Variants in NCKAP5 observed in about 807,000 individuals in gnomAD.
The protein encoded by NCKAP5 is nck-associated protein 5.
In NCKAP5, 92 loss-of-function variants were observed where a neutral mutation model predicts 167.0. The ratio of observed to expected loss-of-function variants is 0.55; its 90% CI spans 0.47 to 0.66. The LOEUF (loss-of-function observed/expected upper bound fraction) is 0.66, where lower values mean the gene tolerates loss of function less well. Among genes scored for constraint, NCKAP5 ranks in the 30% least tolerant of loss-of-function variants. The pLI, the probability that NCKAP5 is intolerant of heterozygous loss-of-function variation, is 0.00. For synonymous variants in NCKAP5, 891 were observed against 877.4 expected, an observed-to-expected ratio of 1.02 and a Z score of -0.27; for missense variants, 2,378 against 2,315.0, an observed-to-expected ratio of 1.03 and a Z score of -0.56.
chr2:132,884,267 G>A (rs1439645640), intron 8 of NCKAP5, among the ~76,000 whole-genome samples: 1 of 152,154 alleles, frequency 6.6e-6, no homozygotes, highest in East Asian at 1.9e-4. Context: ...CCCTTTTTAA[G>A]CACAGTTATT....
chr2:132,931,663 T>A (rs1369175168), intron 8 of NCKAP5, among the ~76,000 whole-genome samples: 1 of 152,230 alleles, frequency 6.6e-6, no homozygotes, highest in African/African-American at 2.4e-5. Flanking sequence ...AGCTGCTCTG[T>A]ACAATAAAAT....
intron 6 of NCKAP5, among the ~76,000 whole-genome samples, chr2:133,105,975 G>A (rs541384955): frequency 2.6e-5 from 4 of 151,938 alleles, no homozygotes; most frequent in Middle Eastern, 3.4e-3. Context: ...TCTTCTCACC[G>A]ACCCATCCTC....
chr2:133,267,054 A>G (rs1051122169), intron 4 of NCKAP5, among the ~76,000 whole-genome samples: 1 of 151,904 alleles, frequency 6.6e-6, no homozygotes, highest in African/African-American at 2.4e-5. Flanking sequence ...AACGGTTCTG[A>G]CAAATCTCCG....
intron 3 of NCKAP5, among the ~76,000 whole-genome samples, chr2:133,308,687 T>C (rs1559371096): frequency 7.3e-6 from 1 of 136,206 alleles, no homozygotes; most frequent in African/African-American, 2.8e-5. Flanking sequence ...AGAAATACAA[T>C]TCTTTTTTTT....
At chr2:133,591,983 T>A in the NCKAP5 span, among the ~76,000 whole-genome samples, 2 of 152,200 alleles carry the variant, frequency 1.3e-5, no homozygotes, top group East Asian at 3.9e-4. Flanking sequence ...ACCTCTTGTA[T>A]GTCCTTCCAG....
intron 3 of NCKAP5, among the ~76,000 whole-genome samples, chr2:133,496,781 C>T (rs770738315): frequency 6.6e-6 from 1 of 152,164 alleles, no homozygotes; most frequent in Non-Finnish European, 1.5e-5. Flanking sequence ...GGCATCTATT[C>T]GGAAAAACTT....
At chr2:133,548,434 A>G (rs911415266) in intron 2 of NCKAP5, among the ~76,000 whole-genome samples, 6 of 151,236 alleles carry the variant, frequency 4.0e-5, no homozygotes, top group Middle Eastern at 3.4e-3. Flanking sequence ...TGTCAGATTC[A>G]CCAAAGTTGA....
intron 3 of NCKAP5, among the ~76,000 whole-genome samples, chr2:133,335,281 A>G (rs2150742123): frequency 6.6e-6 from 1 of 152,326 alleles, no homozygotes; most frequent in African/African-American, 2.4e-5. Flanking sequence ...AAAGCAAAAA[A>G]ATTGGCTTCA....
chr2:133,383,156 G>A (rs2150955901), intron 3 of NCKAP5, among the ~76,000 whole-genome samples: 1 of 152,084 alleles, frequency 6.6e-6, no homozygotes, highest in Middle Eastern at 3.4e-3. Context: ...ATATTGGTGT[G>A]CTGTACCCAT....
intron 5 of NCKAP5, among the ~76,000 whole-genome samples, chr2:133,131,288 G>C (rs999891057): frequency 6.6e-6 from 1 of 152,126 alleles, no homozygotes; most frequent in East Asian, 1.9e-4. Context: ...AGGTCTCTCG[G>C]TTGAAAGCCT....
At chr2:133,115,519 TTA>T (rs1559153623) in intron 6 of NCKAP5, among the ~76,000 whole-genome samples, 1 of 152,016 alleles carries the variant, frequency 6.6e-6, no homozygotes, top group African/African-American at 2.4e-5. Flanking sequence ...AAATTAGATG[TTA>T]TGTTACAATT....
At chr2:133,527,501 C>T (rs941631302) in intron 2 of NCKAP5, among the ~76,000 whole-genome samples, 3 of 151,748 alleles carry the variant, frequency 2.0e-5, no homozygotes, top group African/African-American at 4.8e-5. Flanking sequence ...ACCCACCCCC[C>T]AAAATAATCC....
intron 8 of NCKAP5, among the ~76,000 whole-genome samples, chr2:132,900,191 A>C (rs1410255469): frequency 6.6e-6 from 1 of 152,220 alleles, no homozygotes; most frequent in Non-Finnish European, 1.5e-5. Context: ...CAGCTGTAAT[A>C]ATAATGAAAA....
At position 133,135,497 on chromosome 2, in the gene NCKAP5, C is replaced by A. The variant is rs2082757977; in HGVS notation, c.208-5386G>T. ...TAAAATGATGACTCATTACCAAGGG[C>A]TTAATCAAGTGAGGAAGATGATTTC... On this transcript the variant is annotated intron_variant, in intron 5 of 19. Coordinates refer to ENST00000409261, the MANE Select transcript of NCKAP5 (RefSeq NM_207363.3). 2.0e-5 allele frequency among the ~76,000 whole-genome samples: 3 copies of A among 152,106 alleles called. No individual in the cohort carries two copies. The South Asian group carries it at 6.2e-4, about 32-fold the overall frequency.
intron 11 of NCKAP5, among the ~76,000 whole-genome samples, chr2:132,841,308 A>G (rs2105424283): frequency 6.6e-6 from 1 of 152,242 alleles, no homozygotes; most frequent in South Asian, 2.1e-4. Context: ...TTGAAAGGAA[A>G]TAATTTGCTA....
At chr2:133,520,340 C>T (rs1177726851) in intron 2 of NCKAP5, among the ~76,000 whole-genome samples, 1 of 152,224 alleles carries the variant, frequency 6.6e-6, no homozygotes, top group Non-Finnish European at 1.5e-5. Context: ...AGCTCTTATG[C>T]TAAACACAAA....
At position 133,434,353 on chromosome 2, in the gene NCKAP5, T is replaced by C. The variant is rs139683208; in HGVS notation, c.69+83105A>G. Among the ~76,000 whole-genome samples, 552 of 152,324 alleles carry C rather than the reference T, an allele frequency of 3.6e-3. 6 individuals are homozygous for C. Among genetic ancestry groups the C allele is most frequent in the African/African-American group, 0.013 (526 of 41,576 alleles). The stretch of plus-strand genomic sequence containing the variant: ...AAATAACTGCATTCTATAAATAATT[T>C]CAAGGAAAGTTTTCTTTTCATGTCT... On this transcript the variant is annotated intron_variant, in intron 3 of 19. Transcript: ENST00000409261.
intron 4 of NCKAP5, among the ~76,000 whole-genome samples, chr2:133,250,924 T>C (rs113684802): frequency 1.1e-3 from 162 of 151,254 alleles, no homozygotes; most frequent in African/African-American, 3.8e-3. Flanking sequence ...GGTGAGACCC[T>C]GTCTCAAACA....
At chr2:133,309,821 A>G (rs931233234) in intron 3 of NCKAP5, among the ~76,000 whole-genome samples, 8 of 152,244 alleles carry the variant, frequency 5.3e-5, no homozygotes, top group Non-Finnish European at 1.2e-4. Context: ...CTTAAGTATC[A>G]TTCATATTAA....
Sources: allele counts gnomAD v4.1 joint callset (sites outside exome capture counted in the v4.1 genomes callset), GRCh38; gene constraint gnomAD v4.1.1; transcripts MANE v1.5; gene names NCBI Gene and HGNC (gene_info 2026-07-23, HGNC 2026-07-21).